Variants in ZNF18 observed in about 807,000 individuals in gnomAD.
The protein encoded by ZNF18 is zinc finger protein 18.
Under a neutral mutation model 58.1 loss-of-function variants are expected in ZNF18, and 42 were observed. The ratio of observed to expected loss-of-function variants is 0.72; its 90% confidence interval spans 0.56 to 0.93. The LOEUF is 0.93. Ranked by LOEUF, ZNF18 falls within the 40% of genes least tolerant of loss-of-function variation. The pLI is 0.00. For synonymous variants in ZNF18, 231 were observed against 239.8 expected, an observed-to-expected ratio of 0.96 and a Z score of 0.34; for missense variants, 540 against 644.2, an observed-to-expected ratio of 0.84 and a Z score of 1.75.
Position 11,991,115 on chromosome 17 carries a change from A to G in ZNF18, c.436T>C (p.Ser146Pro). The G allele has an allele frequency of 6.2e-7, 1 of 1,614,178 alleles. No homozygotes were observed. The highest frequency in any genetic ancestry group is 1.3e-5 in the African/African-American group (1 of 75,054). ...ACTTCCCCCACTTGGCAGCTTGGAG[A>G]TTCCATCTTCTCTGATAAGATGTCC... ...GQDILSEKME[S>P]PSCQVGEVEP... is the part of the protein sequence containing the mutation. Residue 146 changes from serine to proline, a missense_variant, in exon 3 of 7, where the codon TCT (serine) becomes CCT (proline). Ser to Pro is a moderately conservative substitution (Grantham distance 74, BLOSUM62 -1). Transcript: ENST00000580306.
At position 11,990,452 on chromosome 17, in the gene ZNF18, G is replaced by A. The variant is rs188909004; in HGVS notation, c.666+10C>T. The A allele has an allele frequency of 4.1e-4, 667 of 1,609,414 alleles. 8 individuals carry two copies. The South Asian group carries it at 4.6e-3, about 11-fold the overall frequency. On this transcript the variant is annotated intron_variant, in intron 4 of 6. Transcript: ENST00000580306. ...AGTTTCCTTTTCATCGCTTTTGTAC[G>A]TCAGCTCACCTGAGGTGCTGCTGGG...
chr17:11,981,282 C>T (rs1390812766), intron 6 of ZNF18, among the ~76,000 whole-genome samples: 1 of 151,846 alleles, frequency 6.6e-6, no homozygotes, highest in Non-Finnish European at 1.5e-5. Context: ...ACGTTGCTGC[C>T]GGATTCATCT....
the ZNF18 span, among the ~76,000 whole-genome samples, chr17:12,019,507 C>T: frequency 2.0e-5 from 3 of 152,056 alleles, no homozygotes; most frequent in African/African-American, 7.2e-5. Context: ...GGGAATCTGG[C>T]CATGTTTATA....
At position 11,992,746 on chromosome 17, in the gene ZNF18, A is replaced by T. The variant is rs1218966545; in HGVS notation, c.84T>A (p.Ala28=). 2 of 1,614,262 alleles carry T rather than the reference A, an allele frequency of 1.2e-6. No homozygotes were observed. Among genetic ancestry groups the T allele is most frequent in the Non-Finnish European group, 1.7e-6 (2 of 1,180,040 alleles). ...GGCTGGAGAGTTCCTCTTGAAGGGC[A>T]GCATCTGATTCTGAGAACTGGGAGT... ...AEDSQFSESD[A]ALQEELSSPE... The change falls in exon 2 of 7, where the codon GCT becomes GCA. Residue 28 remains alanine, a synonymous_variant. Transcript: ENST00000580306.
chr17:12,017,398 C>G, the ZNF18 span, among the ~76,000 whole-genome samples: 2 of 152,124 alleles, frequency 1.3e-5, no homozygotes, highest in Non-Finnish European at 2.9e-5. Flanking sequence ...GGTCCTGAGC[C>G]CTTGGCAATT....
rs772144825 is a variant in ZNF18, at chr17:11,978,546, C to T, written c.1061G>A (p.Gly354Glu). Reference protein sequence around the residue: ...PEALQNIQDEGTGEQLSPQER... With the variant: ...PEALQNIQDEETGEQLSPQER... ...TTGAGGAGACAGCTGTTCCCCTGTT[C>T]CCTCATCCTGAATGTTTTGCAGAGC... Residue 354 changes from glycine to glutamate, a missense_variant, in exon 7 of 7, where the codon GGA (glycine) becomes GAA (glutamate). Physicochemically the swap from Gly to Glu is moderately conservative, Grantham distance 98. Coordinates refer to ENST00000580306, the MANE Select transcript of ZNF18 (RefSeq NM_001303281.2). The T allele has an allele frequency of 3.7e-6, 6 of 1,613,264 alleles. No homozygotes were observed. Among genetic ancestry groups the T allele is most frequent in the Non-Finnish European group, 1.7e-6 (2 of 1,179,718 alleles).
chr17:12,001,848 A>C (rs1273400533), upstream of ZNF18, among the ~76,000 whole-genome samples: 1 of 152,094 alleles, frequency 6.6e-6, no homozygotes, highest in Non-Finnish European at 1.5e-5. Flanking sequence ...AATTTTTAAA[A>C]ATCTATTATA....
At chr17:11,986,452 G>A (rs933824236) in intron 4 of ZNF18, among the ~76,000 whole-genome samples, 2 of 152,192 alleles carry the variant, frequency 1.3e-5, no homozygotes, top group Admixed American at 1.3e-4. Context: ...ACACACAAAC[G>A]AAAGAGGGTT....
At chr17:11,998,951 C>A (rs1968610559), upstream of ZNF18, among the ~76,000 whole-genome samples, 1 of 150,202 alleles carries the variant, frequency 6.7e-6, no homozygotes, top group African/African-American at 2.5e-5. Context: ...GCTGGGATTA[C>A]AGGCATGAGC....
chr17:11,981,360 C>G (rs1267156224), intron 6 of ZNF18, among the ~76,000 whole-genome samples: 1 of 149,320 alleles, frequency 6.7e-6, no homozygotes, highest in African/African-American at 2.5e-5. Context: ...ATTCTTGTTG[C>G]CCAGGCTGGA....
chr17:12,007,455 T>C, the ZNF18 span, among the ~76,000 whole-genome samples: 1 of 152,202 alleles, frequency 6.6e-6, no homozygotes, highest in African/African-American at 2.4e-5. Context: ...CTTTGACCCC[T>C]TGTTAGCTGA....
rs1265830535 is a variant in ZNF18 at position 11,983,358 on chromosome 17, C to T, written c.801G>A (p.Gly267=). 4.3e-6 allele frequency: 7 copies of T among 1,613,912 alleles called. 1 individual carries two copies. The highest frequency in any genetic ancestry group is 1.3e-5 in the African/African-American group (1 of 74,882). Residue 267 remains glycine, a synonymous_variant, in exon 6 of 7, where the codon GGG becomes GGA. Transcript: ENST00000580306. ...KSDLTNSIEF[G]EELAGIYLHV... ...GAAGGTATATTCCTGCCAGCTCTTC[C>T]CCAAATTCTATTGAATTAGTCAGGT...
intron 4 of ZNF18, among the ~76,000 whole-genome samples, chr17:11,987,650 GA>G (rs760683033): frequency 1.3e-5 from 2 of 152,272 alleles, no homozygotes; most frequent in South Asian, 4.1e-4. Context: ...AAGTTATCCA[GA>G]ACAGGTGAGG....
chr17:12,013,399 C>T, the ZNF18 span, among the ~76,000 whole-genome samples: 1 of 152,124 alleles, frequency 6.6e-6, no homozygotes, highest in Non-Finnish European at 1.5e-5. Context: ...TGACTTGTGT[C>T]GTTCTTAGAA....
At chr17:11,998,042 G>A (rs1318715114), upstream of ZNF18, among the ~76,000 whole-genome samples, 1 of 138,126 alleles carries the variant, frequency 7.2e-6, no homozygotes, top group African/African-American at 2.5e-5. Context: ...CTTTCCACCT[G>A]CGTCTCTCTC....
At chr17:12,007,067 G>C in the ZNF18 span, among the ~76,000 whole-genome samples, 1 of 151,938 alleles carries the variant, frequency 6.6e-6, no homozygotes, top group Non-Finnish European at 1.5e-5. Context: ...TGTCTTTTTA[G>C]AGTCCTGCAT....
the ZNF18 span, among the ~76,000 whole-genome samples, chr17:12,004,480 C>T: frequency 6.6e-6 from 1 of 152,162 alleles, no homozygotes; most frequent in Non-Finnish European, 1.5e-5. Context: ...AGCATAGTTA[C>T]ACTTCTAACT....
intron 6 of ZNF18, among the ~76,000 whole-genome samples, chr17:11,980,955 T>C (rs1967301925): frequency 6.6e-6 from 1 of 152,234 alleles, no homozygotes; most frequent in Non-Finnish European, 1.5e-5. Flanking sequence ...TTAAAAACTT[T>C]AATCCTTTGG....
the ZNF18 span, among the ~76,000 whole-genome samples, chr17:12,007,337 A>C: frequency 6.6e-6 from 1 of 152,112 alleles, no homozygotes; most frequent in Non-Finnish European, 1.5e-5. Flanking sequence ...TTTAAAACTT[A>C]GGGAGTTCTA....
Sources: gnomAD v4.1 joint callset for allele counts (sites outside exome capture counted in the v4.1 genomes callset) on GRCh38, gnomAD v4.1.1 for gene constraint, MANE v1.5 for transcripts, NCBI Gene and HGNC (gene_info 2026-07-23, HGNC 2026-07-21) for gene names.